The following GNAO1 variants were observed in gnomAD, a reference collection of about 807,000 sequenced individuals.
GNAO1 encodes guanine nucleotide-binding protein G(o) subunit alpha.
For synonymous variants in GNAO1, 164 were observed against 180.7 expected (o/e 0.91, Z 0.74); for missense variants, 166 against 478.7 (o/e 0.35, Z 6.10).
rs144477030 is a variant in GNAO1 at position 56,243,724 on chromosome 16, G to A, written c.162-32207G>A. On this transcript the variant is annotated intron_variant, in intron 2 of 8. Transcript: ENST00000262493. ...GATATATGTTCCAGAATTGACTATA[G>A]TGATGGTTGTACATATCTGTGACTG... Among the ~76,000 whole-genome samples the A allele has an allele frequency of 1.7e-3, 252 of 152,262 alleles. 1 individual carries two copies. Among genetic ancestry groups the A allele is most frequent in the South Asian group, 1.0e-2 (48 of 4,820 alleles).
In GNAO1 at chr16:56,336,580, C is replaced by G. The variant is rs1180583142; in HGVS notation, c.594-151C>G. The G allele has an allele frequency of 1.4e-5, 9 of 644,830 alleles. No homozygotes were observed. In the East Asian group the frequency reaches 2.3e-4, roughly 16 times the overall value. The allele number at this position is 644,830 out of a possible 1,614,324, so 39.9% of individuals were successfully genotyped here. On this transcript the variant is annotated intron_variant, in intron 5 of 8. Coordinates refer to ENST00000262493, the MANE Select transcript of GNAO1 (RefSeq NM_020988.3). ...CAGTGATCCAGCTGTCTGTCATCAC[C>G]TGGAGTGACAAGGTCTTCTAGTGAG... is the stretch of plus-strand genomic sequence containing the variant.
chr16:56,351,574 C>A lies in GNAO1; in HGVS notation c.877+37C>A. ...GCAGTCCTGTGCAGGGGGAAGCCTG[C>A]CCCTGACAGGGACCCATGGCTCAGA... is the stretch of plus-strand genomic sequence containing the variant. On this transcript the variant is annotated intron_variant, in intron 7 of 8. Transcript: ENST00000262493. This position sits in a 1 kb window ranked among gnomAD's most constrained non-coding sequence, Gnocchi z 6.1. The A allele has an allele frequency of 6.4e-7, 1 of 1,556,542 alleles. No homozygotes were observed. Among genetic ancestry groups the A allele is most frequent in the South Asian group, 1.1e-5 (1 of 89,328 alleles).
At chr16:56,332,308 T>C (rs1331282296) in intron 4 of GNAO1, among the ~76,000 whole-genome samples, 2 of 152,140 alleles carry the variant, frequency 1.3e-5, no homozygotes, top group Non-Finnish European at 2.9e-5. Flanking sequence ...ACCCACCACC[T>C]GGCCCCTCCA....
chr16:56,192,378 ATCCCCCGACCCCGGCCACTCCGC>A, intron 1 of GNAO1, 25 bp downstream of exon 1: 1 of 1,023,908 alleles, frequency 9.8e-7, no homozygotes, highest in South Asian at 1.3e-5. Flanking sequence ...TGCTACCCCC[ATCCCCCGACCCCGGCCACTCCGC>A]ACCCCCTGCC....
chr16:56,315,278 A>G (rs1368371830), intron 3 of GNAO1, among the ~76,000 whole-genome samples: 2 of 152,198 alleles, frequency 1.3e-5, no homozygotes, highest in Admixed American at 6.5e-5. Context: ...TGAAGAGATG[A>G]GGTCGGCCAT....
intron 3 of GNAO1, among the ~76,000 whole-genome samples, chr16:56,287,217 C>G (rs367700368): frequency 4.6e-5 from 7 of 152,354 alleles, no homozygotes; most frequent in African/African-American, 1.7e-4. Flanking sequence ...AGGCTGGTAA[C>G]AGAAGAGGCC....
At chr16:56,352,803 G>C (rs2037936784) in intron 7 of GNAO1, 1 of 152,322 alleles carries the variant, frequency 6.6e-6, no homozygotes, top group Non-Finnish European at 1.5e-5. Flanking sequence ...AGCAGGAGGT[G>C]GGGCCAGGAA....
At chr16:56,238,712 G>T (rs1260547054) in intron 2 of GNAO1, among the ~76,000 whole-genome samples, 4 of 152,150 alleles carry the variant, frequency 2.6e-5, no homozygotes, top group African/African-American at 9.7e-5. Flanking sequence ...TCCCACACAC[G>T]CATTTTTTAA....
In GNAO1 at chr16:56,250,791, CA is replaced by C. The variant is rs529375093; in HGVS notation, c.162-25137del. On this transcript the variant is annotated intron_variant, in intron 2 of 8. Coordinates refer to ENST00000262493, the MANE Select transcript of GNAO1 (RefSeq NM_020988.3). ...TCAGCCTCAGCTCCAAATCCCCATGCAAAGTGTTTCTTTACTGGATATCCCA... is the reference window on the plus strand; with the variant it reads ...TCAGCCTCAGCTCCAAATCCCCATGCAAGTGTTTCTTTACTGGATATCCCA... 3.0e-3 allele frequency among the ~76,000 whole-genome samples: 455 copies of C among 152,282 alleles called. 17 individuals carry two copies. Among genetic ancestry groups the C allele is most frequent in the Non-Finnish European group, 2.5e-4 (17 of 68,022 alleles).
rs2037972113 is a variant in GNAO1 at position 56,356,747 on chromosome 16, T to C, written c.*673T>C. 1 of 151,390 alleles carries C rather than the reference T, an allele frequency of 6.6e-6. No individual in the cohort carries two copies. Among genetic ancestry groups the C allele is most frequent in the Admixed American group, 6.6e-5 (1 of 15,186 alleles). 9.4% of individuals were successfully genotyped at this position (151,390 alleles called of 1,614,324 possible). On this transcript the variant is annotated 3_prime_UTR_variant, in exon 9 of 9. Transcript: ENST00000262493. ...TGCCCACCGACCCCCTTTCTAAGGA[T>C]AGCCTTTGTAGGGGTTTTTTGGTTC... is the stretch of plus-strand genomic sequence containing the variant.
At chr16:56,323,944 C>G (rs984908911) in intron 3 of GNAO1, among the ~76,000 whole-genome samples, 4 of 151,798 alleles carry the variant, frequency 2.6e-5, no homozygotes, top group Non-Finnish European at 5.9e-5. Context: ...GGGAAGGACT[C>G]AGTGAAATCA....
In GNAO1 at chr16:56,244,793, G is replaced by A. The variant is rs542614557; in HGVS notation, c.162-31138G>A. ...GTATAGCCAAGCTGGGCAAATGCAC[G>A]TGCTGTCAGGAGCATGGACAGAGCT... On this transcript the variant is annotated intron_variant, in intron 2 of 8. Transcript: ENST00000262493. Among the ~76,000 whole-genome samples, 8 of 152,238 alleles carry A rather than the reference G, an allele frequency of 5.3e-5. No homozygotes were observed. In the South Asian group the frequency reaches 6.2e-4, roughly 12 times the overall value.
intron 2 of GNAO1, among the ~76,000 whole-genome samples, chr16:56,263,040 A>T (rs1294193586): frequency 1.3e-5 from 2 of 152,256 alleles, no homozygotes; most frequent in Non-Finnish European, 2.9e-5. Context: ...AACCTGTGAG[A>T]ACCAAGACAT....
At position 56,351,192 on chromosome 16, in the gene GNAO1, C is replaced by T. The variant is rs2037917888; in HGVS notation, c.724-192C>T. 6.6e-6 allele frequency among the ~76,000 whole-genome samples: 1 copy of T among 152,198 alleles called. No individual in the cohort carries two copies. Among genetic ancestry groups the T allele is most frequent in the South Asian group, 2.1e-4 (1 of 4,822 alleles). On this transcript the variant is annotated intron_variant, in intron 6 of 8. Transcript: ENST00000262493. This position sits in a 1 kb window ranked among gnomAD's most constrained non-coding sequence, Gnocchi z 6.1. ...GTCTCTGCCTCTGGCCCCGACATGA[C>T]GGGTTCTCCGGAAGCAGGGAATGAG...
At chr16:56,335,415 T>A (rs1473837016) in intron 5 of GNAO1, among the ~76,000 whole-genome samples, 1 of 152,148 alleles carries the variant, frequency 6.6e-6, no homozygotes, top group African/African-American at 2.4e-5. Flanking sequence ...GGTGAGCTGG[T>A]TCCCAGGGTC....
chr16:56,347,351 C>T lies in GNAO1; in HGVS notation c.724-4033C>T, dbSNP rs543782615. On this transcript the variant is annotated intron_variant, in intron 6 of 8. Transcript: ENST00000262493. The stretch of plus-strand genomic sequence containing the variant: ...CCCCCAGGCAGTTCCTGCTGTCAGG[C>T]CGCAAGCCTAGAGCGCAGGATCCCA... 2.8e-5 allele frequency: 28 copies of T among 985,556 alleles called. No individual in the cohort carries two copies. In the African/African-American group the frequency reaches 4.5e-4, roughly 16 times the overall value. 61.1% of individuals were successfully genotyped at this position (985,556 alleles called of 1,614,324 possible).
chr16:56,344,263 C>G (rs2037840574), intron 6 of GNAO1: 2 of 1,294,318 alleles, frequency 1.5e-6, no homozygotes, highest in African/African-American at 1.5e-5. Flanking sequence ...TGGGCACACC[C>G]TGCACCTGAT....
chr16:56,331,275 A>G (rs1289652494), intron 4 of GNAO1, among the ~76,000 whole-genome samples: 1 of 152,016 alleles, frequency 6.6e-6, no homozygotes, highest in East Asian at 1.9e-4. Context: ...CTGGATAACT[A>G]CCTAGAGGCA....
intron 2 of GNAO1, among the ~76,000 whole-genome samples, chr16:56,222,967 G>A (rs1349412347): frequency 1.3e-5 from 2 of 152,154 alleles, no homozygotes; most frequent in Non-Finnish European, 2.9e-5. Context: ...CAGAGACCCT[G>A]GTGCTAGAGC....
Sources: gnomAD v4.1 joint callset for allele counts (sites outside exome capture counted in the v4.1 genomes callset) on GRCh38, gnomAD v4.1.1 for gene constraint, Gnocchi (gnomAD v3.1) non-coding constraint, MANE v1.5 for transcripts, NCBI Gene and HGNC (gene_info 2026-07-23, HGNC 2026-07-21) for gene names.